MCRIP1: variants seen among roughly 807,000 people sequenced by gnomAD.
MCRIP1 encodes the protein MAPK regulated corepressor interacting protein 1.
A neutral mutation model predicts 14.4 loss-of-function variants in MCRIP1; 10 were observed. That is an observed-to-expected ratio of 0.70 (90% CI 0.43 to 1.18). The LOEUF is 1.18. MCRIP1 is among the 50% of genes most tolerant of loss of function. The probability of loss-of-function intolerance (pLI) is 0.00; values close to 1 mark genes in which losing one functional copy is unlikely to be tolerated. For synonymous variants in MCRIP1, 53 were observed against 55.7 expected (o/e 0.95, Z 0.21); for missense variants, 119 against 135.4 (o/e 0.88, Z 0.60).
chr17:81,832,058 A>G (rs1465526987), intron 1 of MCRIP1, among the ~76,000 whole-genome samples: 1 of 152,174 alleles, frequency 6.6e-6, no homozygotes, highest in Non-Finnish European at 1.5e-5. Flanking sequence ...GCCATGAGGT[A>G]ACACTCCAGC....
chr17:81,828,299 C>T (rs1179448324), intron 1 of MCRIP1, among the ~76,000 whole-genome samples: 2 of 149,068 alleles, frequency 1.3e-5, no homozygotes, highest in African/African-American at 5.0e-5. Context: ...TAGCCCCAGG[C>T]TTTCCTGGAT....
chr17:81,829,910 G>C (rs1224713146), intron 1 of MCRIP1, among the ~76,000 whole-genome samples: 3 of 152,198 alleles, frequency 2.0e-5, no homozygotes, highest in Non-Finnish European at 4.4e-5. Context: ...GTGTCACCCA[G>C]GCCCTCTGCT....
chr17:81,826,179 C>T (rs182974568), intron 1 of MCRIP1: 1 of 1,503,734 alleles, frequency 6.7e-7, no homozygotes, highest in Non-Finnish European at 8.8e-7. Flanking sequence ...GATTGCCCCA[C>T]ATCCTCCCAA....
chr17:81,826,909 G>A (rs957086421), intron 1 of MCRIP1, among the ~76,000 whole-genome samples: 1 of 151,330 alleles, frequency 6.6e-6, no homozygotes, highest in East Asian at 2.0e-4. Flanking sequence ...CACAAGGTCA[G>A]GAGTTCAAGA....
In MCRIP1 at chr17:81,824,315, G is replaced by C. The variant is rs866686808; in HGVS notation, c.99C>G (p.His33Gln). Reference protein sequence around the residue: ...PSSSEIFTPAHEENVRFIYEA... With the variant: ...PSSSEIFTPAQEENVRFIYEA... ...CGTAAATGAAGCGGACGTTCTCCTC[G>C]TGGGCTGGGGTGAAGATCTCGCTGC... Residue 33 changes from histidine to glutamine, a missense_variant, in exon 3 of 5, where the codon CAC becomes CAG. Coordinates refer to ENST00000455127, the MANE Select transcript of MCRIP1 (RefSeq NM_207368.5). 2 of 1,536,370 alleles carry C rather than the reference G, an allele frequency of 1.3e-6. No homozygotes were observed. The highest frequency in any genetic ancestry group is 2.4e-5 in the East Asian group (1 of 40,922).
chr17:81,824,807 GCTCAGCGGCCTTGAT>G, intron 1 of MCRIP1: 2 of 1,377,486 alleles, frequency 1.5e-6, no homozygotes, highest in Non-Finnish European at 1.9e-6. Flanking sequence ...GATCAAGCCC[GCTCAGCGGCCTTGAT>G]CCTCCACGTC....
intron 1 of MCRIP1, chr17:81,826,754 G>GGTT: frequency 9.6e-6 from 2 of 209,080 alleles, no homozygotes; most frequent in South Asian, 1.6e-4. Flanking sequence ...GGGAGGTGGA[G>GGTT]GTGCAGTGAG....
rs578236936 is a variant in MCRIP1 at position 81,824,572 on chromosome 17, G to A, written c.-48-18C>T. On this transcript the variant is annotated intron_variant, in intron 1 of 4. Coordinates refer to ENST00000455127, the MANE Select transcript of MCRIP1 (RefSeq NM_207368.5). ...CTCAGCCTCTGAAACAGAAGCCAGC[G>A]CAGGCATGGGACGCAGGGCCACCCT... 272 of 1,535,854 alleles carry A rather than the reference G, an allele frequency of 1.8e-4. 3 individuals carry two copies. Among genetic ancestry groups the A allele is most frequent in the South Asian group, 1.5e-3 (123 of 84,054 alleles).
rs2038322859 is a variant in MCRIP1 at position 81,823,716 on chromosome 17, C to T, written c.128-203G>A. 1 of 606,346 alleles carries T rather than the reference C, an allele frequency of 1.6e-6. No individual in the cohort carries two copies. The highest frequency in any genetic ancestry group is 1.9e-5 in the African/African-American group (1 of 53,938). 37.6% of individuals were successfully genotyped at this position (606,346 alleles called of 1,614,324 possible). Reference sequence around the variant, plus strand: ...CCCCGCTCCTCTGGCAGGCCTGTCCCTTCCCCGCAAGATGACCAGGACTGT... The same window carrying T: ...CCCCGCTCCTCTGGCAGGCCTGTCCTTTCCCCGCAAGATGACCAGGACTGT... On this transcript the variant is annotated intron_variant, in intron 3 of 4. Coordinates refer to ENST00000455127, the MANE Select transcript of MCRIP1 (RefSeq NM_207368.5). The surrounding 1 kb of genome is among the most constrained non-coding windows in gnomAD (Gnocchi z 6.0).
chr17:81,825,027 C>T, intron 1 of MCRIP1: 1 of 1,022,522 alleles, frequency 9.8e-7, no homozygotes, highest in East Asian at 9.7e-5. Context: ...TCTGCTGAGC[C>T]TTGATTTCCT....
chr17:81,831,947 A>T (rs1315808452), intron 1 of MCRIP1, among the ~76,000 whole-genome samples: 2 of 152,078 alleles, frequency 1.3e-5, no homozygotes, highest in Non-Finnish European at 2.9e-5. Context: ...CAGGGGACCC[A>T]AGGGCTTTAG....
At position 81,823,568 on chromosome 17, in the gene MCRIP1, C is replaced by T. The variant is rs1303608207; in HGVS notation, c.128-55G>A. The T allele has an allele frequency of 8.9e-6, 13 of 1,457,778 alleles. No homozygotes were observed. Among genetic ancestry groups the T allele is most frequent in the Non-Finnish European group, 1.2e-5 (13 of 1,077,770 alleles). The allele number at this position is 1,457,778 out of a possible 1,614,324, so 90.3% of individuals were successfully genotyped here. A position where few individuals can be genotyped will look rare whatever the true frequency, so the allele number is the denominator to read the frequency against. On this transcript the variant is annotated intron_variant, in intron 3 of 4. Coordinates refer to ENST00000455127, the MANE Select transcript of MCRIP1 (RefSeq NM_207368.5). The surrounding 1 kb of genome is among the most constrained non-coding windows in gnomAD (Gnocchi z 6.0). ...GCCCCCTGCCCCAGGGGGTGGCATC[C>T]ACGTCACGAGAGTGCCTGCCCTCAG...
At chr17:81,824,061 G>A (rs1260108716) in intron 3 of MCRIP1, among the ~76,000 whole-genome samples, 1 of 152,134 alleles carries the variant, frequency 6.6e-6, no homozygotes, top group Non-Finnish European at 1.5e-5. Flanking sequence ...CTCCTCCCGG[G>A]CTCCCCCCAT....
intron 1 of MCRIP1, among the ~76,000 whole-genome samples, chr17:81,829,665 G>T (rs1253086755): frequency 6.6e-6 from 1 of 152,140 alleles, no homozygotes; most frequent in Non-Finnish European, 1.5e-5. Flanking sequence ...GTCTCACATG[G>T]GAGGACCCTC....
chr17:81,825,592 C>T lies in MCRIP1; in HGVS notation c.-48-1038G>A, dbSNP rs934050912. The T allele has an allele frequency of 6.0e-5, 78 of 1,289,348 alleles. 2 individuals are homozygous for T. The African/African-American group carries it at 8.2e-4, about 14-fold the overall frequency. The allele number at this position is 1,289,348 out of a possible 1,614,324, so 79.9% of individuals were successfully genotyped here. A position where few individuals can be genotyped will look rare whatever the true frequency, so the allele number is the denominator to read the frequency against. On this transcript the variant is annotated intron_variant, in intron 1 of 4. Coordinates refer to ENST00000455127, the MANE Select transcript of MCRIP1 (RefSeq NM_207368.5). Reference sequence around the variant, plus strand: ...GCTTCGAGTCCTCTCTGGCTCATTCCGCCTCATGTCAATGGTCCAGCCCTC... The same window carrying T: ...GCTTCGAGTCCTCTCTGGCTCATTCTGCCTCATGTCAATGGTCCAGCCCTC...
chr17:81,826,448 A>T, intron 1 of MCRIP1: 1 of 1,425,778 alleles, frequency 7.0e-7, no homozygotes. Flanking sequence ...GCTTGAGCCC[A>T]GGAGGTCAAG....
rs901218101 is a variant in MCRIP1 at position 81,825,353 on chromosome 17, G to T, written c.-48-799C>A. ...GGACAGTGTCCCCACTCCAGCTGAG[G>T]ACACACAACCCCAAGGTGGGGAAGC... On this transcript the variant is annotated intron_variant, in intron 1 of 4. Coordinates refer to ENST00000455127, the MANE Select transcript of MCRIP1 (RefSeq NM_207368.5). 5.1e-6 allele frequency: 6 copies of T among 1,178,806 alleles called. No individual in the cohort carries two copies. The Admixed American group carries it at 1.1e-4, about 22-fold the overall frequency. 73.0% of individuals were successfully genotyped at this position (1,178,806 alleles called of 1,614,324 possible).
chr17:81,826,646 CCT>C (rs1442282310), intron 1 of MCRIP1: 14 of 465,110 alleles, frequency 3.0e-5, no homozygotes, highest in Non-Finnish European at 4.6e-5. Flanking sequence ...ATGGTGAAAC[CCT>C]GTCTCTACTA....
chr17:81,826,028 G>T, intron 1 of MCRIP1: 1 of 1,403,476 alleles, frequency 7.1e-7, no homozygotes, highest in Non-Finnish European at 9.4e-7. Context: ...AGGGGTACCT[G>T]CCTCCCAGCC....
Sources: allele counts gnomAD v4.1 joint callset (sites outside exome capture counted in the v4.1 genomes callset), GRCh38; gene constraint gnomAD v4.1.1; non-coding constraint Gnocchi (gnomAD v3.1); transcripts MANE v1.5; gene names NCBI Gene and HGNC (gene_info 2026-07-23, HGNC 2026-07-21).